TTC29: variants seen among roughly 807,000 people sequenced by gnomAD.
TTC29 encodes the protein tetratricopeptide repeat protein 29.
In TTC29, 49 loss-of-function variants were observed where a neutral mutation model predicts 58.1. The ratio of observed to expected loss-of-function variants is 0.84; its 90% CI spans 0.67 to 1.07. The LOEUF (loss-of-function observed/expected upper bound fraction) is 1.07. Ranked by LOEUF, TTC29 falls within the 50% of genes least tolerant of loss-of-function variation. TTC29 has a pLI of 0.00. For missense variants in TTC29, 582 were observed against 555.6 expected, an observed-to-expected ratio of 1.05 and a Z score of -0.48; for synonymous variants, 209 against 196.8, an observed-to-expected ratio of 1.06 and a Z score of -0.52.
At chr4:146,916,650 T>A (rs527623693) in intron 4 of TTC29, among the ~76,000 whole-genome samples, 1 of 151,702 alleles carries the variant, frequency 6.6e-6, no homozygotes, top group South Asian at 2.1e-4. Context: ...TCCAATGAGT[T>A]GACTGGTCTC....
chr4:146,913,302 G>A (rs1734014948), intron 4 of TTC29, among the ~76,000 whole-genome samples: 1 of 152,150 alleles, frequency 6.6e-6, no homozygotes, highest in African/African-American at 2.4e-5. Flanking sequence ...TTAGAAGGCT[G>A]TCTCAGTTCT....
intron 11 of TTC29, 32 bp from the exon 12 acceptor site, chr4:146,707,583 A>T (rs770802166): frequency 1.2e-5 from 17 of 1,450,950 alleles, no homozygotes; most frequent in Non-Finnish European, 1.6e-5. Context: ...TTAATAGATT[A>T]TCATGAACAC....
intron 4 of TTC29, among the ~76,000 whole-genome samples, chr4:146,929,510 C>T (rs1376464680): frequency 6.6e-6 from 1 of 152,146 alleles, no homozygotes; most frequent in African/African-American, 2.4e-5. Context: ...TATAGGCAAG[C>T]TAGTTAAATA....
At chr4:146,825,905 T>C (rs924513008) in intron 9 of TTC29, among the ~76,000 whole-genome samples, 9 of 152,134 alleles carry the variant, frequency 5.9e-5, no homozygotes, top group African/African-American at 1.9e-4. Context: ...GTCTGCTTTG[T>C]CAGAGACTAG....
intron 4 of TTC29, among the ~76,000 whole-genome samples, chr4:146,913,562 C>A (rs2150291084): frequency 6.6e-6 from 1 of 152,098 alleles, no homozygotes; most frequent in South Asian, 2.1e-4. Context: ...GTCTCTCTCC[C>A]AAAATTCTGA....
chr4:146,791,401 G>A (rs1228529466), intron 11 of TTC29, among the ~76,000 whole-genome samples: 1 of 152,102 alleles, frequency 6.6e-6, no homozygotes, highest in East Asian at 1.9e-4. Context: ...TGAGATCAGT[G>A]ATCTTTGATG....
chr4:146,943,687 A>G (rs1736647896), intron 2 of TTC29, among the ~76,000 whole-genome samples: 1 of 152,246 alleles, frequency 6.6e-6, no homozygotes, highest in South Asian at 2.1e-4. Flanking sequence ...TGCAGCAAAT[A>G]TTTAAAGGGG....
intron 9 of TTC29, among the ~76,000 whole-genome samples, chr4:146,822,117 C>CTT (rs111952972): frequency 0.012 from 1,493 of 126,188 alleles, 17 homozygotes; most frequent in Middle Eastern, 0.028. Context: ...AAAGTATTTT[C>CTT]TTTTAAAAAA....
At chr4:146,840,550 T>C (rs747874755) in intron 8 of TTC29, among the ~76,000 whole-genome samples, 2 of 152,126 alleles carry the variant, frequency 1.3e-5, no homozygotes, top group South Asian at 2.1e-4. Flanking sequence ...TCCAAAAACA[T>C]TAATCCATTA....
chr4:146,711,090 T>C (rs1338175939), intron 11 of TTC29, among the ~76,000 whole-genome samples: 1 of 152,138 alleles, frequency 6.6e-6, no homozygotes, highest in Non-Finnish European at 1.5e-5. Flanking sequence ...TAAACATTTG[T>C]AGTGGCCTTA....
chr4:146,812,244 A>C (rs1751073087), intron 10 of TTC29, among the ~76,000 whole-genome samples: 2 of 152,148 alleles, frequency 1.3e-5, no homozygotes, highest in South Asian at 4.1e-4. Flanking sequence ...TTTAGAAACA[A>C]AAGTATAAAT....
chr4:146,866,915 C>T (rs1248680281), intron 8 of TTC29, among the ~76,000 whole-genome samples: 4 of 152,068 alleles, frequency 2.6e-5, no homozygotes, highest in East Asian at 3.9e-4. Context: ...CAGGAAAGAT[C>T]GCTCTTGACA....
chr4:146,913,487 G>T (rs1011843960), intron 4 of TTC29, among the ~76,000 whole-genome samples: 1 of 151,788 alleles, frequency 6.6e-6, no homozygotes, highest in African/African-American at 2.4e-5. Flanking sequence ...TGTAGTCTTG[G>T]TGGCATGGAA....
rs563701517 is a variant in TTC29 at position 146,921,241 on chromosome 4, T to A, written c.177-11992A>T. 4.0e-5 allele frequency among the ~76,000 whole-genome samples: 6 copies of A among 151,508 alleles called. No individual in the cohort carries two copies. The East Asian group carries it at 1.2e-3, about 29-fold the overall frequency. ...ATATAAAAGATCTTGTATATAAAGA[T>A]CTTGTTTTCCTGAATATCATATTAA... On this transcript the variant is annotated intron_variant, in intron 4 of 12. Coordinates refer to ENST00000325106, the MANE Select transcript of TTC29 (RefSeq NM_031956.4).
At chr4:146,889,132 T>A (rs1732185958) in intron 6 of TTC29, among the ~76,000 whole-genome samples, 1 of 152,160 alleles carries the variant, frequency 6.6e-6, no homozygotes, top group African/African-American at 2.4e-5. Context: ...TTTTATTCAA[T>A]ATTTGTGTCC....
intron 7 of TTC29, among the ~76,000 whole-genome samples, chr4:146,870,959 TAAGAG>T (rs1408464937): frequency 2.0e-5 from 3 of 151,964 alleles, no homozygotes; most frequent in South Asian, 4.1e-4. Flanking sequence ...TTTAAGCAAT[TAAGAG>T]AAAACACCTC....
chr4:146,724,824 A>C (rs1230353461), intron 11 of TTC29, among the ~76,000 whole-genome samples: 1 of 152,170 alleles, frequency 6.6e-6, no homozygotes, highest in Non-Finnish European at 1.5e-5. Flanking sequence ...TTCTTAAAAT[A>C]ATTTAAAATA....
At chr4:146,761,675 T>G (rs1035422940) in intron 11 of TTC29, among the ~76,000 whole-genome samples, 1 of 151,166 alleles carries the variant, frequency 6.6e-6, no homozygotes, top group Admixed American at 6.6e-5. Context: ...AGTAGTTTTT[T>G]TTTTTTTTTT....
chr4:146,768,516 A>G (rs1166335063), intron 11 of TTC29, among the ~76,000 whole-genome samples: 2 of 152,046 alleles, frequency 1.3e-5, no homozygotes, highest in East Asian at 1.9e-4. Context: ...GCTCAAATTT[A>G]TAAGACAGTC....
Sources: allele counts gnomAD v4.1 joint callset (sites outside exome capture counted in the v4.1 genomes callset), GRCh38; gene constraint gnomAD v4.1.1; transcripts MANE v1.5; gene names NCBI Gene and HGNC (gene_info 2026-07-23, HGNC 2026-07-21).